SRGAP2: variants seen among roughly 807,000 people sequenced by gnomAD.
SRGAP2 encodes SLIT-ROBO Rho GTPase activating protein 2.
A neutral mutation model predicts 57.2 loss-of-function variants in SRGAP2; 15 were observed. That is an observed-to-expected ratio of 0.26 (90% confidence interval 0.18 to 0.40). The LOEUF (loss-of-function observed/expected upper bound fraction) is 0.40, where lower values mean the gene tolerates loss of function less well. Ranked by LOEUF, SRGAP2 falls within the 10% of genes least tolerant of loss-of-function variation. The pLI, the probability that SRGAP2 is intolerant of heterozygous loss-of-function variation, is 1.00. For missense variants in SRGAP2, 520 were observed against 669.6 expected (o/e 0.78, Z 2.47); for synonymous variants, 249 against 248.0 (o/e 1.00, Z -0.04).
chr1:206,365,498 T>C (rs1395935468), intron 4 of SRGAP2, among the ~76,000 whole-genome samples: 5 of 151,172 alleles, frequency 3.3e-5, no homozygotes, highest in Non-Finnish European at 5.9e-5. Context: ...GACAGAAGAA[T>C]TTCAACACAC....
rs1463453391 is a variant in SRGAP2, at chr1:206,452,863, G to GC, written c.2180-336dup. 3.7e-5 allele frequency among the ~76,000 whole-genome samples: 5 copies of GC among 133,804 alleles called. No individual in the cohort carries two copies. In the Admixed American group the frequency reaches 4.2e-4, roughly 11 times the overall value. 87.8% of individuals were successfully genotyped at this position (133,804 alleles called of 152,430 possible). ...ATCGAGCCACTGCACTCCAGCCTGAGCGACAGAGTAAGACTCCATCCCAAA... is the reference window on the plus strand; with the variant it reads ...ATCGAGCCACTGCACTCCAGCCTGAGCCGACAGAGTAAGACTCCATCCCAAA... On this transcript the variant is annotated intron_variant, in intron 19 of 22. Transcript: ENST00000573034.
intron 3 of SRGAP2, among the ~76,000 whole-genome samples, chr1:206,305,820 T>C (rs1174868399): frequency 2.0e-5 from 3 of 151,932 alleles, no homozygotes; most frequent in African/African-American, 7.3e-5. Flanking sequence ...GGGGTTAAGG[T>C]TGAGGAGAAC....
chr1:206,385,047 G>T (rs1339476992), intron 5 of SRGAP2, among the ~76,000 whole-genome samples: 4 of 144,622 alleles, frequency 2.8e-5, no homozygotes, highest in Non-Finnish European at 4.5e-5. Context: ...GTGGTGACAT[G>T]CATGACAGGC....
rs1164651213 is a variant in SRGAP2 at position 206,230,720 on chromosome 1, G to A, written c.67+24683G>A. Among the ~76,000 whole-genome samples the A allele has an allele frequency of 4.5e-3, 622 of 137,512 alleles. 10 individuals are homozygous for A. The highest frequency in any genetic ancestry group is 0.017 in the African/African-American group (594 of 35,878). 90.2% of individuals were successfully genotyped at this position (137,512 alleles called of 152,430 possible). On this transcript the variant is annotated intron_variant, in intron 2 of 22. Transcript: ENST00000573034. ...CGGCTCACTGCAACCTCCACCTCCC[G>A]GGTTCAAGCAATTCTCCTGCCTCAG... is the stretch of plus-strand genomic sequence containing the variant.
At chr1:206,428,377 A>G (rs113343587) in intron 13 of SRGAP2, among the ~76,000 whole-genome samples, 6,086 of 149,442 alleles carry the variant, frequency 0.041, 205 homozygotes, top group Non-Finnish European at 0.072. Flanking sequence ...AGATCGCACC[A>G]CTGCACTCTG....
chr1:206,265,811 T>A (rs1431798659), intron 2 of SRGAP2, among the ~76,000 whole-genome samples: 1 of 150,640 alleles, frequency 6.6e-6, no homozygotes, highest in Admixed American at 6.6e-5. Flanking sequence ...ACGTGTTTTT[T>A]TCTCTCCAGC....
chr1:206,428,786 G>A (rs1054332474), intron 13 of SRGAP2, among the ~76,000 whole-genome samples: 12 of 151,976 alleles, frequency 7.9e-5, no homozygotes, highest in African/African-American at 2.4e-4. Flanking sequence ...CCTCAGCCTC[G>A]CAAGTAGCTG....
chr1:206,366,283 CAGG>C (rs1273666859), intron 4 of SRGAP2, among the ~76,000 whole-genome samples: 1 of 152,228 alleles, frequency 6.6e-6, no homozygotes, highest in Non-Finnish European at 1.5e-5. Flanking sequence ...GCCCTAATGC[CAGG>C]AGGAATGCGG....
chr1:206,384,482 A>G (rs1309314140), intron 5 of SRGAP2, among the ~76,000 whole-genome samples: 1 of 151,596 alleles, frequency 6.6e-6, no homozygotes, highest in Non-Finnish European at 1.5e-5. Context: ...TTTTCATCAG[A>G]TCTTGGATTG....
chr1:206,341,723 C>T (rs1675205435), intron 3 of SRGAP2, among the ~76,000 whole-genome samples: 1 of 152,178 alleles, frequency 6.6e-6, no homozygotes, highest in South Asian at 2.1e-4. Context: ...TAGGGCTGGG[C>T]GCGGTGGCTC....
Position 206,452,907 on chromosome 1 carries a change from AAAT to A in SRGAP2, c.2180-292_2180-290del, listed in dbSNP as rs1558450215. Among the ~76,000 whole-genome samples the A allele has an allele frequency of 7.3e-5, 11 of 151,340 alleles. 1 individual carries two copies. Among genetic ancestry groups the A allele is most frequent in the East Asian group, 1.9e-4 (1 of 5,142 alleles). On this transcript the variant is annotated intron_variant, in intron 19 of 22. Coordinates refer to ENST00000573034, the MANE Select transcript of SRGAP2 (RefSeq NM_015326.5). Reference sequence around the variant, plus strand: ...TCCCAAAAAAAAAAAAAAAAAAAAAAAATGGGATGCTTGAGTTGTGTTTTGATG... The same window carrying A: ...TCCCAAAAAAAAAAAAAAAAAAAAAAGGGATGCTTGAGTTGTGTTTTGATG...
In SRGAP2 at chr1:206,391,640, C is replaced by CACACAT. The variant is rs1553350510; in HGVS notation, c.487-1048_487-1047insCACATA. Among the ~76,000 whole-genome samples the CACACAT allele has an allele frequency of 4.3e-5, 6 of 141,132 alleles. 1 individual carries two copies. Among genetic ancestry groups the CACACAT allele is most frequent in the African/African-American group, 1.7e-4 (6 of 34,876 alleles). The allele number at this position is 141,132 out of a possible 152,430, so 92.6% of individuals were successfully genotyped here. A position where few individuals can be genotyped will look rare whatever the true frequency, so the allele number is the denominator to read the frequency against. The stretch of plus-strand genomic sequence containing the variant: ...GCACACACACACACACACACACACA[C>CACACAT]ATGCACACACACACCCAACTTCTAC... On this transcript the variant is annotated intron_variant, in intron 5 of 22. Coordinates refer to ENST00000573034, the MANE Select transcript of SRGAP2 (RefSeq NM_015326.5).
intron 3 of SRGAP2, among the ~76,000 whole-genome samples, chr1:206,307,661 G>T (rs1302516780): frequency 6.6e-6 from 1 of 152,244 alleles, no homozygotes; most frequent in Non-Finnish European, 1.5e-5. Flanking sequence ...GCACTGCTGG[G>T]GGACTCAGTA....
At chr1:206,445,996 G>C (rs1662722383) in intron 17 of SRGAP2, 79 bp from the exon 18 acceptor site, 1 of 735,346 alleles carries the variant, frequency 1.4e-6, no homozygotes, top group Non-Finnish European at 2.6e-6. Context: ...TTTTGCTCTT[G>C]GCAGCGCCTC....
chr1:206,333,495 G>C (rs1202755952), intron 3 of SRGAP2: 1 of 1,453,126 alleles, frequency 6.9e-7, no homozygotes, highest in East Asian at 2.3e-5. Flanking sequence ...TGGTGCGGGC[G>C]GCGCGGCTCT....
intron 2 of SRGAP2, chr1:206,206,311 G>C: frequency 2.3e-6 from 1 of 435,506 alleles, no homozygotes; most frequent in Non-Finnish European, 4.2e-6. Context: ...AAGCCGGACA[G>C]GGTGGGGGGA....
intron 3 of SRGAP2, among the ~76,000 whole-genome samples, chr1:206,314,096 GTTTTTTTTGT>G (rs1672877890): frequency 8.0e-6 from 1 of 125,684 alleles, no homozygotes; most frequent in Admixed American, 8.0e-5. Flanking sequence ...GGGCTTTTTT[GTTTTTTTTGT>G]TTTTTTTTTT....
At chr1:206,205,129 T>G (rs1372259057) in intron 1 of SRGAP2, 5 of 152,120 alleles carry the variant, frequency 3.3e-5, no homozygotes, top group Admixed American at 1.3e-4. Flanking sequence ...TGCCCAGCGC[T>G]GGCGGGGCTC....
At chr1:206,327,214 C>T (rs1307673834) in intron 3 of SRGAP2, among the ~76,000 whole-genome samples, 17 of 151,946 alleles carry the variant, frequency 1.1e-4, no homozygotes, top group African/African-American at 4.1e-4. Context: ...GTAATCCCAG[C>T]TACTCAGGAG....
Sources: allele counts gnomAD v4.1 joint callset (sites outside exome capture counted in the v4.1 genomes callset), GRCh38; gene constraint gnomAD v4.1.1; transcripts MANE v1.5; gene names NCBI Gene and HGNC (gene_info 2026-07-23, HGNC 2026-07-21).